CNKSR2: variants seen among roughly 807,000 people sequenced by gnomAD.
CNKSR2 encodes connector enhancer of kinase suppressor of Ras 2.
A neutral mutation model predicts 84.4 loss-of-function variants in CNKSR2; 14 were observed. The observed-to-expected ratio is 0.17, with a 90% CI of 0.11 to 0.26. The LOEUF is 0.26. CNKSR2 is among the 10% of genes least tolerant of loss of function. CNKSR2 has a pLI of 1.00. For synonymous variants in CNKSR2, 275 were observed against 277.9 expected, an observed-to-expected ratio of 0.99 and a Z score of 0.10; for missense variants, 485 against 771.2, an observed-to-expected ratio of 0.63 and a Z score of 4.40.
At chrX:21,537,519 G>T (rs898437377) in intron 11 of CNKSR2, among the ~76,000 whole-genome samples, 1 of 110,959 alleles carries the variant, frequency 9.0e-6, no homozygotes, top group Non-Finnish European at 1.9e-5. Context: ...CTCTAGTAAG[G>T]TTTGCTTTAT....
At chrX:21,607,268 A>G (rs2092523019) in intron 19 of CNKSR2, among the ~76,000 whole-genome samples, 1 of 112,093 alleles carries the variant, frequency 8.9e-6, no homozygotes, top group South Asian at 3.7e-4. Flanking sequence ...ATAAAAATTA[A>G]TATTATATCT....
At chrX:21,643,978 C>A (rs184080943) in intron 20 of CNKSR2, 1 of 111,563 alleles carries the variant, frequency 9.0e-6, no homozygotes, top group African/African-American at 3.2e-5. Flanking sequence ...GACATTAAGT[C>A]CATTAAAAGT....
intron 1 of CNKSR2, among the ~76,000 whole-genome samples, chrX:21,396,971 A>C (rs894895135): frequency 8.9e-6 from 1 of 111,835 alleles, no homozygotes; most frequent in Non-Finnish European, 1.9e-5. Context: ...CAACAAACCT[A>C]CTTCATAGAA....
intron 3 of CNKSR2, among the ~76,000 whole-genome samples, chrX:21,433,767 G>A (rs2090668840): frequency 9.3e-6 from 1 of 108,012 alleles, no homozygotes; most frequent in South Asian, 4.0e-4. Flanking sequence ...TATTTTTAAG[G>A]TGAAAATTGA....
intron 6 of CNKSR2, chrX:21,495,816 A>T (rs1241249421): frequency 9.9e-6 from 1 of 100,546 alleles, no homozygotes; most frequent in Non-Finnish European, 2.0e-5. Flanking sequence ...AAAAAAAAAA[A>T]AAAAAACACG....
chrX:21,618,842 G>A (rs902039051), intron 20 of CNKSR2, among the ~76,000 whole-genome samples: 1 of 111,794 alleles, frequency 8.9e-6, no homozygotes, highest in African/African-American at 3.2e-5. Flanking sequence ...ACCATGTTAA[G>A]AGCCTGTCTA....
Position 21,470,771 on chromosome X carries a change from T to C in CNKSR2, c.525T>C (p.Cys175=), listed in dbSNP as rs34161348. The change falls in exon 5 of 22, where the codon TGT becomes TGC. Residue 175 remains cysteine, a synonymous_variant. Transcript: ENST00000379510. The part of the protein sequence containing the change: ...LELTTIVQQD[C]TVYETENKIL... ...ATATGGTTCTTTTTTTTCAGGATTG[T>C]ACTGTATATGAAACAGAGAATAAAA... 2,129 of 1,005,210 alleles carry C rather than the reference T, an allele frequency of 2.1e-3. 27 individuals carry two copies. In the African/African-American group the frequency reaches 0.032, roughly 15 times the overall value. 82.8% of individuals were successfully genotyped at this position (1,005,210 alleles called of 1,213,427 possible).
At chrX:21,639,253 C>G (rs1391243620) in intron 20 of CNKSR2, among the ~76,000 whole-genome samples, 1 of 111,479 alleles carries the variant, frequency 9.0e-6, no homozygotes, top group Admixed American at 9.6e-5. Flanking sequence ...ATGAGATTCA[C>G]AGAAGTCCAA....
chrX:21,468,018 T>C (rs1330734433), intron 4 of CNKSR2, among the ~76,000 whole-genome samples: 1 of 111,352 alleles, frequency 9.0e-6, no homozygotes, highest in Non-Finnish European at 1.9e-5. Context: ...TTTTAAATAA[T>C]TGGCCTTTTA....
chrX:21,627,158 G>A (rs2092627371), intron 20 of CNKSR2, among the ~76,000 whole-genome samples: 2 of 111,091 alleles, frequency 1.8e-5, no homozygotes, highest in African/African-American at 6.6e-5. Context: ...GGAACATTTT[G>A]CACGTGAGCG....
chrX:21,518,188 C>T (rs1048613538), intron 9 of CNKSR2, among the ~76,000 whole-genome samples: 2 of 111,149 alleles, frequency 1.8e-5, no homozygotes, highest in Non-Finnish European at 3.8e-5. Context: ...CAGACTTTCC[C>T]ATTACATTAT....
intron 11 of CNKSR2, among the ~76,000 whole-genome samples, chrX:21,558,326 A>G (rs1257061285): frequency 1.8e-5 from 2 of 111,262 alleles, no homozygotes; most frequent in Non-Finnish European, 3.8e-5. Context: ...TTAAAAATCA[A>G]TACTTATAAG....
At chrX:21,483,365 A>G (rs1327790090) in intron 5 of CNKSR2, among the ~76,000 whole-genome samples, 1 of 110,019 alleles carries the variant, frequency 9.1e-6, no homozygotes, top group Non-Finnish European at 1.9e-5. Flanking sequence ...GAATTGAACA[A>G]TCACTCATAG....
At chrX:21,489,852 G>A (rs1450520668) in intron 5 of CNKSR2, among the ~76,000 whole-genome samples, 1 of 111,605 alleles carries the variant, frequency 9.0e-6, no homozygotes, top group African/African-American at 3.3e-5. Flanking sequence ...ACAGAGATGA[G>A]TAGGGCATGG....
At chrX:21,631,278 C>A (rs746432132) in intron 20 of CNKSR2, among the ~76,000 whole-genome samples, 3 of 110,889 alleles carry the variant, frequency 2.7e-5, no homozygotes, top group East Asian at 5.7e-4. Context: ...GTGATCACAC[C>A]ACTGCACTCC....
chrX:21,570,689 G>A (rs1242723922), intron 13 of CNKSR2, among the ~76,000 whole-genome samples: 6 of 112,222 alleles, frequency 5.3e-5, no homozygotes, highest in Non-Finnish European at 9.4e-5. Flanking sequence ...AGAGGCCATC[G>A]TAGGGTTAAT....
intron 20 of CNKSR2, among the ~76,000 whole-genome samples, chrX:21,632,509 A>G (rs780741144): frequency 8.9e-6 from 1 of 112,034 alleles, no homozygotes; most frequent in African/African-American, 3.2e-5. Context: ...AAATAAGGAG[A>G]AAGAAAATGA....
intron 8 of CNKSR2, among the ~76,000 whole-genome samples, chrX:21,514,184 G>C (rs1053122655): frequency 9.0e-6 from 1 of 111,458 alleles, no homozygotes. Flanking sequence ...GGTTTTGGTT[G>C]ATTTAAACAA....
intron 9 of CNKSR2, among the ~76,000 whole-genome samples, chrX:21,523,505 G>T (rs1206822134): frequency 1.8e-5 from 2 of 110,653 alleles, no homozygotes; most frequent in East Asian, 5.7e-4. Flanking sequence ...TCTTTGTAGT[G>T]CAACAGTAAC....
Sources: gnomAD v4.1 joint callset for allele counts (sites outside exome capture counted in the v4.1 genomes callset) on GRCh38, gnomAD v4.1.1 for gene constraint, MANE v1.5 for transcripts, NCBI Gene and HGNC (gene_info 2026-07-23, HGNC 2026-07-21) for gene names.